SRRM2: variants seen among roughly 807,000 people sequenced by gnomAD.
SRRM2 encodes the protein serine/arginine repetitive matrix protein 2.
SRRM2 carries 30 observed loss-of-function variants against 213.8 expected under a neutral mutation model. The ratio of observed to expected loss-of-function variants is 0.14; its 90% CI spans 0.10 to 0.19. The LOEUF (loss-of-function observed/expected upper bound fraction) is 0.19. SRRM2 is among the 10% of genes least tolerant of loss of function. The probability of loss-of-function intolerance (pLI) is 1.00; values close to 1 mark genes in which losing one functional copy is unlikely to be tolerated. For missense variants in SRRM2, 4,904 were observed against 3,647.0 expected, an observed-to-expected ratio of 1.34 and a Z score of -8.88; for synonymous variants, 2,025 against 1,377.7, an observed-to-expected ratio of 1.47 and a Z score of -10.40.
rs561522538 is a variant in SRRM2 at position 2,755,095 on chromosome 16, C to T, written c.-31-1239C>T. Among the ~76,000 whole-genome samples, 12 of 152,244 alleles carry T rather than the reference C, an allele frequency of 7.9e-5. No individual in the cohort carries two copies. In the East Asian group the frequency reaches 9.6e-4, roughly 12 times the overall value. The stretch of plus-strand genomic sequence containing the variant: ...TAGGGTTTTTTCTTAGTAGTATTTT[C>T]TCATATATGCATGTTCTAGGAAACT... On this transcript the variant is annotated intron_variant, in intron 1 of 14. Coordinates refer to ENST00000301740, the MANE Select transcript of SRRM2 (RefSeq NM_016333.4).
chr16:2,757,500 G>C lies in SRRM2; in HGVS notation c.271G>C (p.Val91Leu). Residue 91 changes from valine (V) to leucine (L), a missense_variant, in exon 3 of 15, where the codon GTG (valine) becomes CTG (leucine). Transcript: ENST00000301740. ...CGAGGAACAGCAAATTCAGGAAAAAGTGGCGACCTTTCGACTCATGTTGCT... is the reference window on the plus strand; with the variant it reads ...CGAGGAACAGCAAATTCAGGAAAAACTGGCGACCTTTCGACTCATGTTGCT... The part of the protein sequence containing the change: ...GYEEQQIQEK[V>L]ATFRLMLLEK... 1 of 1,614,074 alleles carries C rather than the reference G, an allele frequency of 6.2e-7. No homozygotes were observed.
At chr16:2,755,655 G>T (rs539885551) in intron 1 of SRRM2, among the ~76,000 whole-genome samples, 27 of 152,294 alleles carry the variant, frequency 1.8e-4, no homozygotes, top group African/African-American at 6.5e-4. Context: ...TACCTGGGAG[G>T]TGAAGTATAT....
At chr16:2,760,187 T>C (rs903186469) in intron 9 of SRRM2, 114 bp from the exon 10 acceptor site, 31 of 1,054,666 alleles carry the variant, frequency 2.9e-5, no homozygotes, top group Non-Finnish European at 4.1e-5. Context: ...CTAAAGGCTT[T>C]TTGGAAGAGG....
chr16:2,764,292 A>G lies in SRRM2; in HGVS notation c.3764A>G (p.His1255Arg), dbSNP rs761403476. The change falls in exon 11 of 15, where the codon CAT (histidine) becomes CGT (arginine). Residue 1255 changes from histidine to arginine, a missense_variant. By Grantham distance (29) the His-to-Arg change is conservative. Coordinates refer to ENST00000301740, the MANE Select transcript of SRRM2 (RefSeq NM_016333.4). ...GAACCCGCAGGCCAAATCCTGTCTC[A>G]TTTGTCTTCAGAACTTAAAGAAATG... ...SEEPAGQILS[H>R]LSSELKEMST... 5.0e-6 allele frequency: 8 copies of G among 1,613,860 alleles called. No individual in the cohort carries two copies. In the African/African-American group the frequency reaches 9.3e-5, roughly 19 times the overall value.
In SRRM2 at chr16:2,759,179, G is replaced by C; in HGVS notation, c.689+7G>C. ...CCAAGAAACGTAAGCATAGGTAAGA[G>C]CTCTTTAACTCATAGGGGGCGCAGT... On this transcript the variant is annotated splice_region_variant and intron_variant, in intron 7 of 14. Transcript: ENST00000301740. 1 of 1,614,064 alleles carries C rather than the reference G, an allele frequency of 6.2e-7. No individual in the cohort carries two copies. The highest frequency in any genetic ancestry group is 1.7e-4 in the Middle Eastern group (1 of 6,030).
At chr16:2,758,618 G>A (rs2068233121) in intron 5 of SRRM2, 71 bp downstream of exon 5, 1 of 1,444,214 alleles carries the variant, frequency 6.9e-7, no homozygotes, top group African/African-American at 1.4e-5. Flanking sequence ...CTCTGGAAGT[G>A]GACAGTTCTG....
Position 2,771,410 on chromosome 16 carries a change from G to A in SRRM2, c.*543G>A. ...TGTCAAATAAAAATGAGAAATGCAG[G>A]AACTGGGTCTGTAGACTGTTTATTA... On this transcript the variant is annotated 3_prime_UTR_variant, in exon 15 of 15. Coordinates refer to ENST00000301740, the MANE Select transcript of SRRM2 (RefSeq NM_016333.4). The A allele has an allele frequency of 1.2e-6, 2 of 1,611,594 alleles. No individual in the cohort carries two copies. Among genetic ancestry groups the A allele is most frequent in the Admixed American group, 1.7e-5 (1 of 59,960 alleles).
rs773424353 is a variant in SRRM2, at chr16:2,766,189, G to T, written c.5661G>T (p.Arg1887Ser). The change falls in exon 11 of 15, where the codon AGG becomes AGT. Residue 1887 changes from arginine (R) to serine (S), a missense_variant. Transcript: ENST00000301740. This position sits in a 1 kb window ranked among gnomAD's most constrained non-coding sequence, Gnocchi z 7.0. ...RSRTPLISRRRSRSRTSPVSR... is the reference protein window; with the variant it reads ...RSRTPLISRRSSRSRTSPVSR... ...GAACCCCCCTGATAAGCCGACGTAG[G>T]TCCAGATCTCGAACTTCACCAGTCA... 1.3e-5 allele frequency: 21 copies of T among 1,614,104 alleles called. No individual in the cohort carries two copies. The Admixed American group carries it at 3.3e-4, about 26-fold the overall frequency.
At chr16:2,769,557 CTT>C in intron 12 of SRRM2, 1 of 647,248 alleles carries the variant, frequency 1.5e-6, no homozygotes, top group Non-Finnish European at 2.8e-6. Flanking sequence ...AGGGTTCTAG[CTT>C]TGTCTCCCTG....
chr16:2,765,299 C>G lies in SRRM2; in HGVS notation c.4771C>G (p.Leu1591Val), dbSNP rs1169691182. 1.2e-6 allele frequency: 2 copies of G among 1,614,164 alleles called. No homozygotes were observed. Among genetic ancestry groups the G allele is most frequent in the Non-Finnish European group, 1.7e-6 (2 of 1,180,028 alleles). ...TCCAGAGGTTGACAGCAAATCTCGA[C>G]TATCCCCTCGGCGCAGTAGGTCTGG... ...SSPEVDSKSR[L>V]SPRRSRSGSS... The change falls in exon 11 of 15, where the codon CTA becomes GTA. Residue 1591 changes from leucine to valine, a missense_variant. Physicochemically the swap from Leu to Val is conservative, Grantham distance 32. Transcript: ENST00000301740.
At position 2,763,071 on chromosome 16, in the gene SRRM2, C is replaced by T. The variant is rs2068417972; in HGVS notation, c.2543C>T (p.Thr848Ile). 5 of 1,614,126 alleles carry T rather than the reference C, an allele frequency of 3.1e-6. No homozygotes were observed. The highest frequency in any genetic ancestry group is 1.6e-4 in the Middle Eastern group (1 of 6,062). The change falls in exon 11 of 15, where the codon ACA (threonine) becomes ATA (isoleucine). Residue 848 changes from threonine (T) to isoleucine (I), a missense_variant. Transcript: ENST00000301740. ...CCTCATCCTAAAGTGAAATCTGGAA[C>T]ACCACCGAGGCAAGGGTCCATAACA... ...SSPHPKVKSGTPPRQGSITSP... is the reference protein window; with the variant it reads ...SSPHPKVKSGIPPRQGSITSP...
In SRRM2 at chr16:2,765,812, T is replaced by G. The variant is rs2068520676; in HGVS notation, c.5284T>G (p.Ser1762Ala). 1.2e-6 allele frequency: 2 copies of G among 1,613,838 alleles called. No homozygotes were observed. Among genetic ancestry groups the G allele is most frequent in the African/African-American group, 1.3e-5 (1 of 74,864 alleles). The change falls in exon 11 of 15, where the codon TCT becomes GCT. Residue 1762 changes from serine (S) to alanine (A), a missense_variant. Physicochemically the swap from Ser to Ala is moderately conservative, Grantham distance 99 (BLOSUM62 1). Coordinates refer to ENST00000301740, the MANE Select transcript of SRRM2 (RefSeq NM_016333.4). Reference sequence around the variant, plus strand: ...TAAGACAACCTCAAGGAGAGGCCGCTCTCCTTCGCCAAAGCCTCGTGGACT... The same window carrying G: ...TAAGACAACCTCAAGGAGAGGCCGCGCTCCTTCGCCAAAGCCTCGTGGACT... ...RTKTTSRRGR[S>A]PSPKPRGLQR...
In SRRM2 at chr16:2,770,985, T is replaced by TCCATCCAAGGGC; in HGVS notation, c.*118_*119insCCATCCAAGGGC. On this transcript the variant is annotated 3_prime_UTR_variant, in exon 15 of 15. Coordinates refer to ENST00000301740, the MANE Select transcript of SRRM2 (RefSeq NM_016333.4). Reference sequence around the variant, plus strand: ...GCTCTCCTTTGAACCTTGGCAGCCCTTGGATGGAGGGCTCCCTTTCCCTCC... The same window carrying TCCATCCAAGGGC: ...GCTCTCCTTTGAACCTTGGCAGCCCTCCATCCAAGGGCTGGATGGAGGGCTCCCTTTCCCTCC... 1 of 1,290,458 alleles carries TCCATCCAAGGGC rather than the reference T, an allele frequency of 7.7e-7. No homozygotes were observed. The highest frequency in any genetic ancestry group is 1.1e-6 in the Non-Finnish European group (1 of 925,872). 79.9% of individuals were successfully genotyped at this position (1,290,458 alleles called of 1,614,324 possible).
At chr16:2,753,843 C>T (rs961607047) in intron 1 of SRRM2, among the ~76,000 whole-genome samples, 1 of 152,178 alleles carries the variant, frequency 6.6e-6, no homozygotes, top group Non-Finnish European at 1.5e-5. Flanking sequence ...TGGAGCGCCC[C>T]GGTGCTGAGC....
intron 1 of SRRM2, among the ~76,000 whole-genome samples, chr16:2,753,051 TC>T (rs1380445834): frequency 1.7e-5 from 1 of 58,274 alleles, no homozygotes; most frequent in African/African-American, 6.0e-5. Context: ...CCCCCGCCCC[TC>T]CCCCATGACA....
intron 9 of SRRM2, 100 bp from the exon 10 acceptor site, chr16:2,760,201 G>A: frequency 8.4e-7 from 1 of 1,189,426 alleles, no homozygotes; most frequent in Non-Finnish European, 1.2e-6. Context: ...GAAGAGGGTT[G>A]TCCAGTTAGG....
In SRRM2 at chr16:2,765,261, G is replaced by A. The variant is rs184005236; in HGVS notation, c.4733G>A (p.Arg1578Gln). 4.5e-5 allele frequency: 73 copies of A among 1,613,928 alleles called. No individual in the cohort carries two copies. The East Asian group carries it at 8.2e-4, about 18-fold the overall frequency. The change falls in exon 11 of 15, where the codon CGG (arginine) becomes CAG (glutamine). Residue 1578 changes from arginine to glutamine, a missense_variant. Arg to Gln is a conservative substitution (Grantham distance 43). Transcript: ENST00000301740. The stretch of plus-strand genomic sequence containing the variant: ...AGAACCCCACTTCGGCAGAGGAGTC[G>A]GTCTGGATCATCTCCAGAGGTTGAC... The part of the protein sequence containing the change: ...KTRTPLRQRS[R>Q]SGSSPEVDSK...
Position 2,770,778 on chromosome 16 carries a change from C to G in SRRM2, c.8249+61C>G, listed in dbSNP as rs990617666. On this transcript the variant is annotated intron_variant, in intron 14 of 14. Coordinates refer to ENST00000301740, the MANE Select transcript of SRRM2 (RefSeq NM_016333.4). ...AGCCAGTTGTGGTGGTGGGTGGCGG[C>G]CCCATTTTGGGAGTGGCCCAGAAAC... 11 of 1,607,296 alleles carry G rather than the reference C, an allele frequency of 6.8e-6. No individual in the cohort carries two copies. The East Asian group carries it at 2.5e-4, about 36-fold the overall frequency.
In SRRM2 at chr16:2,763,577, C is replaced by A. The variant is rs200474954; in HGVS notation, c.3049C>A (p.Pro1017Thr). 6.2e-7 allele frequency: 1 copy of A among 1,614,152 alleles called. No individual in the cohort carries two copies. Among genetic ancestry groups the A allele is most frequent in the Non-Finnish European group, 8.5e-7 (1 of 1,180,034 alleles). Residue 1017 changes from proline to threonine, a missense_variant, in exon 11 of 15, where the codon CCC becomes ACC. Physicochemically the swap from Pro to Thr is conservative, Grantham distance 38. Coordinates refer to ENST00000301740, the MANE Select transcript of SRRM2 (RefSeq NM_016333.4). ...TCTTTCTGGATCAAAGTCACCATGT[C>A]CCCAAGAGAAGTCTAAAGACTCACT... Reference protein sequence around the residue: ...PSLSGSKSPCPQEKSKDSLVQ... With the variant: ...PSLSGSKSPCTQEKSKDSLVQ...
Sources: allele counts gnomAD v4.1 joint callset (sites outside exome capture counted in the v4.1 genomes callset), GRCh38; gene constraint gnomAD v4.1.1; non-coding constraint Gnocchi (gnomAD v3.1); transcripts MANE v1.5; gene names NCBI Gene and HGNC (gene_info 2026-07-23, HGNC 2026-07-21).